Variants in TMEM120B observed in about 807,000 individuals in gnomAD.
TMEM120B encodes the protein transmembrane protein 120B.
A neutral mutation model predicts 55.5 loss-of-function variants in TMEM120B; 31 were observed. The observed-to-expected ratio is 0.56, with a 90% CI of 0.42 to 0.75. The LOEUF (loss-of-function observed/expected upper bound fraction) is 0.75, where lower values mean the gene tolerates loss of function less well. TMEM120B is among the 30% of genes least tolerant of loss of function. The pLI is 0.00. For synonymous variants in TMEM120B, 203 were observed against 176.3 expected (o/e 1.15, Z -1.20); for missense variants, 399 against 425.5 (o/e 0.94, Z 0.55).
chr12:121,729,994 C>T (rs1303587079), intron 1 of TMEM120B, among the ~76,000 whole-genome samples: 1 of 152,070 alleles, frequency 6.6e-6, no homozygotes, highest in Non-Finnish European at 1.5e-5. Flanking sequence ...GGTGCGGTGG[C>T]TCACGCCTGT....
At chr12:121,759,550 C>T (rs374168077) in intron 5 of TMEM120B, among the ~76,000 whole-genome samples, 3 of 151,164 alleles carry the variant, frequency 2.0e-5, no homozygotes, top group African/African-American at 4.9e-5. Flanking sequence ...TGGTGGCAGG[C>T]GCCTGTAATC....
Position 121,779,647 on chromosome 12 carries a change from C to A in TMEM120B, c.*3925C>A. ...AGGTAGAGAGCAGCTCGGATCTGTT[C>A]GCAGGCGCTCAGGCCCTGGGTGGGG... is the stretch of plus-strand genomic sequence containing the variant. On this transcript the variant is annotated 3_prime_UTR_variant, in exon 12 of 12. Coordinates refer to ENST00000449592, the MANE Select transcript of TMEM120B (RefSeq NM_001080825.2). The A allele has an allele frequency of 3.1e-6, 5 of 1,613,964 alleles. No homozygotes were observed. Among genetic ancestry groups the A allele is most frequent in the Non-Finnish European group, 4.2e-6 (5 of 1,179,912 alleles).
intron 1 of TMEM120B, among the ~76,000 whole-genome samples, chr12:121,722,354 C>T (rs560802704): frequency 3.3e-5 from 5 of 152,340 alleles, no homozygotes; most frequent in Middle Eastern, 6.8e-3. Context: ...ACCTCAGCCT[C>T]CCACAGTGCT....
chr12:121,773,095 T>C (rs1030234712), intron 8 of TMEM120B, among the ~76,000 whole-genome samples: 8 of 152,218 alleles, frequency 5.3e-5, no homozygotes, highest in Admixed American at 4.6e-4. Flanking sequence ...GCTCCCAACA[T>C]AGCACTGGCA....
Position 121,781,054 on chromosome 12 carries a change from G to T in TMEM120B, c.*5332G>T, listed in dbSNP as rs193000571. 18 of 1,613,932 alleles carry T rather than the reference G, an allele frequency of 1.1e-5. No individual in the cohort carries two copies. The Admixed American group carries it at 3.0e-4, about 27-fold the overall frequency. ...CAGGGGTGCGGCCGGGCCCAGATGT[G>T]GGGCCACCACCCAGGAGGCCGGCCT... On this transcript the variant is annotated 3_prime_UTR_variant, in exon 12 of 12. Coordinates refer to ENST00000449592, the MANE Select transcript of TMEM120B (RefSeq NM_001080825.2).
rs1874358571 is a variant in TMEM120B, at chr12:121,779,445, C to T, written c.*3723C>T. On this transcript the variant is annotated 3_prime_UTR_variant, in exon 12 of 12. Transcript: ENST00000449592. ...GGGGCAGCCTCCCTGGTGCAATCGGCACCTGGGCCCCCGGGCCCTGTCAGT... is the reference window on the plus strand; with the variant it reads ...GGGGCAGCCTCCCTGGTGCAATCGGTACCTGGGCCCCCGGGCCCTGTCAGT... The T allele has an allele frequency of 2.5e-6, 4 of 1,587,896 alleles. No individual in the cohort carries two copies. Among genetic ancestry groups the T allele is most frequent in the East Asian group, 2.2e-5 (1 of 44,650 alleles).
At chr12:121,722,236 T>C in intron 1 of TMEM120B, among the ~76,000 whole-genome samples, 1 of 152,132 alleles carries the variant, frequency 6.6e-6, no homozygotes. Context: ...GTAGTTGGTA[T>C]TACAGGCGTG....
Position 121,748,442 on chromosome 12 carries a change from G to C in TMEM120B, c.305G>C (p.Gly102Ala). The C allele has an allele frequency of 6.2e-7, 1 of 1,602,906 alleles. No homozygotes were observed. The highest frequency in any genetic ancestry group is 2.2e-5 in the East Asian group (1 of 44,602). Residue 102 changes from glycine (G) to alanine (A), a missense_variant and splice_region_variant, in exon 3 of 12, where the codon GGG (glycine) becomes GCG (alanine). Gly to Ala is a moderately conservative substitution (Grantham distance 60). This residue lies in a region of TMEM120B where 260 missense variants were observed against 303.9 expected (regional missense o/e 0.86). Coordinates refer to ENST00000449592, the MANE Select transcript of TMEM120B (RefSeq NM_001080825.2). ...DMEAYLPKKN[G>A]LYLNLVLGNV... ...GAGGCCTACCTGCCCAAGAAGAACG[G>C]GTAGGAGCTGGCAACCTCCCCACCC...
chr12:121,767,357 T>C (rs1430729354), intron 6 of TMEM120B, among the ~76,000 whole-genome samples: 2 of 152,178 alleles, frequency 1.3e-5, no homozygotes, highest in East Asian at 3.9e-4. Flanking sequence ...AGACGGGGTT[T>C]CACTATGTTA....
chr12:121,735,585 G>C (rs931796744), intron 1 of TMEM120B, among the ~76,000 whole-genome samples: 9 of 151,918 alleles, frequency 5.9e-5, no homozygotes, highest in Non-Finnish European at 1.2e-4. Flanking sequence ...TTTTAGTAGA[G>C]ATAGGGTTTC....
At chr12:121,759,935 A>G (rs563021400) in intron 5 of TMEM120B, among the ~76,000 whole-genome samples, 7 of 152,142 alleles carry the variant, frequency 4.6e-5, no homozygotes, top group Admixed American at 4.6e-4. Context: ...GATCGAGACC[A>G]TCCTGACCAA....
chr12:121,772,143 C>T (rs1874085791), intron 8 of TMEM120B, among the ~76,000 whole-genome samples: 1 of 144,002 alleles, frequency 6.9e-6, no homozygotes, highest in African/African-American at 2.6e-5. Flanking sequence ...TTCTTTCTTT[C>T]TTTCTGATGG....
chr12:121,741,251 G>A (rs921773397), intron 1 of TMEM120B, among the ~76,000 whole-genome samples: 1 of 152,140 alleles, frequency 6.6e-6, no homozygotes, highest in Non-Finnish European at 1.5e-5. Context: ...TGATGGAACA[G>A]CTAGTGAATC....
chr12:121,750,588 C>G, intron 4 of TMEM120B, 149 bp downstream of exon 4: 1 of 612,204 alleles, frequency 1.6e-6, no homozygotes, highest in South Asian at 1.8e-5. Flanking sequence ...ACACTCCACA[C>G]CAACACCCCA....
chr12:121,753,561 A>G (rs1466234299), intron 5 of TMEM120B, among the ~76,000 whole-genome samples: 1 of 151,136 alleles, frequency 6.6e-6, no homozygotes, highest in African/African-American at 2.5e-5. Context: ...ACAGAGCGAG[A>G]CCTTGTCTCA....
intron 1 of TMEM120B, among the ~76,000 whole-genome samples, chr12:121,714,867 A>C (rs1213915392): frequency 1.3e-5 from 2 of 151,774 alleles, no homozygotes; most frequent in African/African-American, 4.8e-5. Flanking sequence ...GTCCTCAGCC[A>C]CTTCTTAATG....
At chr12:121,738,756 C>T (rs1319999885) in intron 1 of TMEM120B, among the ~76,000 whole-genome samples, 4 of 152,340 alleles carry the variant, frequency 2.6e-5, no homozygotes, top group African/African-American at 9.6e-5. Context: ...GGTGTCCCTA[C>T]TGGCAGGAGC....
intron 6 of TMEM120B, among the ~76,000 whole-genome samples, chr12:121,764,030 A>C (rs1873766487): frequency 6.6e-6 from 1 of 152,102 alleles, no homozygotes; most frequent in Non-Finnish European, 1.5e-5. Context: ...TTTAGAAAAC[A>C]TCAGTGTGTA....
chr12:121,774,883 C>G (rs1367023106), intron 10 of TMEM120B, among the ~76,000 whole-genome samples, 161 bp downstream of exon 10: 1 of 152,160 alleles, frequency 6.6e-6, no homozygotes, highest in Non-Finnish European at 1.5e-5. Context: ...AAGGCAGGAG[C>G]CAGAACTGAC....
Sources: allele counts gnomAD v4.1 joint callset (sites outside exome capture counted in the v4.1 genomes callset), GRCh38; gene constraint gnomAD v4.1.1; regional missense constraint gnomAD v4.1.1; transcripts MANE v1.5; gene names NCBI Gene and HGNC (gene_info 2026-07-23, HGNC 2026-07-21).